The following RAB33B variants were observed in gnomAD, a reference collection of about 807,000 sequenced individuals.
RAB33B encodes the protein ras-related protein Rab-33B.
RAB33B carries 6 observed loss-of-function variants against 15.0 expected under a neutral mutation model. The ratio of observed to expected loss-of-function variants is 0.40; its 90% CI spans 0.22 to 0.79. The LOEUF is 0.79. Among genes scored for constraint, RAB33B ranks in the 30% least tolerant of loss-of-function variants. The pLI is 0.37. For synonymous variants in RAB33B, 117 were observed against 108.3 expected, an observed-to-expected ratio of 1.08 and a Z score of -0.50; for missense variants, 257 against 296.4, an observed-to-expected ratio of 0.87 and a Z score of 0.98.
chr4:139,443,904 A>T, the RAB33B span, among the ~76,000 whole-genome samples: 1 of 152,184 alleles, frequency 6.6e-6, no homozygotes, highest in African/African-American at 2.4e-5. Context: ...GCCAGGCAAG[A>T]TAACGTTGAT....
chr4:139,457,831 A>G (rs1336963663), intron 1 of RAB33B, among the ~76,000 whole-genome samples: 1 of 152,202 alleles, frequency 6.6e-6, no homozygotes, highest in East Asian at 1.9e-4. Flanking sequence ...AAATTCACCT[A>G]GGTTGTACTA....
chr4:139,463,106 C>T (rs1338936945), intron 1 of RAB33B, among the ~76,000 whole-genome samples: 1 of 152,188 alleles, frequency 6.6e-6, no homozygotes, highest in Non-Finnish European at 1.5e-5. Flanking sequence ...GTGGAGGTTG[C>T]AGTGAGCCAA....
intron 1 of RAB33B, among the ~76,000 whole-genome samples, chr4:139,456,326 A>G (rs1025601326): frequency 6.6e-6 from 1 of 152,096 alleles, no homozygotes; most frequent in African/African-American, 2.4e-5. Context: ...TCAAAAGTGG[A>G]GAGAATGAGG....
chr4:139,470,312 C>G (rs945522479), intron 1 of RAB33B, among the ~76,000 whole-genome samples: 1 of 152,174 alleles, frequency 6.6e-6, no homozygotes, highest in Non-Finnish European at 1.5e-5. Context: ...GACAGAGGAG[C>G]TTCCCACTTG....
intron 1 of RAB33B, among the ~76,000 whole-genome samples, chr4:139,466,649 G>T (rs1407483872): frequency 6.6e-6 from 1 of 151,622 alleles, no homozygotes; most frequent in Non-Finnish European, 1.5e-5. Context: ...CATGATCTCA[G>T]CTCACTGCAA....
At position 139,454,168 on chromosome 4, in the gene RAB33B, C is replaced by G; in HGVS notation, c.-28C>G. 6.3e-7 allele frequency: 1 copy of G among 1,590,792 alleles called. No homozygotes were observed. Among genetic ancestry groups the G allele is most frequent in the Non-Finnish European group, 8.6e-7 (1 of 1,167,510 alleles). On this transcript the variant is annotated 5_prime_UTR_variant, in exon 1 of 2. Coordinates refer to ENST00000305626, the MANE Select transcript of RAB33B (RefSeq NM_031296.3). ...TCAGCCTTTCTGTGTCTCCTTTCCTCCGCCTCAGTTTGGGGCGGGTCGGGG... is the reference window on the plus strand; with the variant it reads ...TCAGCCTTTCTGTGTCTCCTTTCCTGCGCCTCAGTTTGGGGCGGGTCGGGG...
At position 139,472,842 on chromosome 4, in the gene RAB33B, T is replaced by G. The variant is rs372938614; in HGVS notation, c.406T>G (p.Leu136Val). 4 of 1,614,170 alleles carry G rather than the reference T, an allele frequency of 2.5e-6. No homozygotes were observed. The highest frequency in any genetic ancestry group is 3.4e-6 in the Non-Finnish European group (4 of 1,180,020). ...PSWIEECKQH[L>V]LANDIPRILV... ...TTGGATAGAAGAATGCAAACAACAT[T>G]TGCTAGCCAATGATATACCACGGAT... Residue 136 changes from leucine to valine, a missense_variant, in exon 2 of 2, where the codon TTG becomes GTG. Physicochemically the swap from Leu to Val is conservative, Grantham distance 32. Transcript: ENST00000305626.
At chr4:139,447,405 C>T in the RAB33B span, among the ~76,000 whole-genome samples, 1 of 152,110 alleles carries the variant, frequency 6.6e-6, no homozygotes, top group Non-Finnish European at 1.5e-5. Flanking sequence ...TCATCATCAC[C>T]CTTAGAGAGT....
the RAB33B span, among the ~76,000 whole-genome samples, chr4:139,444,454 G>A: frequency 6.6e-6 from 1 of 152,120 alleles, no homozygotes; most frequent in African/African-American, 2.4e-5. Context: ...CAGTCCCCTT[G>A]AGGAAGGACC....
the RAB33B span, among the ~76,000 whole-genome samples, chr4:139,439,491 G>T: frequency 6.6e-6 from 1 of 152,170 alleles, no homozygotes; most frequent in African/African-American, 2.4e-5. Context: ...TGATTATAAT[G>T]TATCTCAGTA....
At chr4:139,439,266 C>T in the RAB33B span, among the ~76,000 whole-genome samples, 11 of 152,214 alleles carry the variant, frequency 7.2e-5, no homozygotes, top group Non-Finnish European at 1.5e-4. Flanking sequence ...TCCCAAAGTG[C>T]TGGGATTACA....
intron 1 of RAB33B, among the ~76,000 whole-genome samples, chr4:139,464,555 C>T (rs571598915): frequency 6.6e-6 from 1 of 152,232 alleles, no homozygotes; most frequent in South Asian, 2.1e-4. Flanking sequence ...AACCCCATGA[C>T]AGGCCCTGGT....
At chr4:139,441,221 A>T in the RAB33B span, among the ~76,000 whole-genome samples, 1 of 152,212 alleles carries the variant, frequency 6.6e-6, no homozygotes, top group East Asian at 1.9e-4. Context: ...AAACAACTAC[A>T]TGATCACTTT....
chr4:139,453,147 A>C (rs1204626283), upstream of RAB33B: 1 of 152,220 alleles, frequency 6.6e-6, no homozygotes, highest in Non-Finnish European at 1.5e-5. Flanking sequence ...GCACTAAGAC[A>C]TAACTAGGGC....
rs377532895 is a variant in RAB33B at position 139,454,215 on chromosome 4, C to T, written c.20C>T (p.Ser7Leu). ...GGGGGAATGGCTGAGGAGATGGAGT[C>T]GTCGCTCGAGGCAAGCTTTTCGTCC... MAEEME[S>L]SLEASFSSSG... Residue 7 changes from serine to leucine, a missense_variant, in exon 1 of 2, where the codon TCG becomes TTG. Transcript: ENST00000305626. The T allele has an allele frequency of 1.2e-6, 2 of 1,612,868 alleles. No individual in the cohort carries two copies. The highest frequency in any genetic ancestry group is 2.7e-5 in the African/African-American group (2 of 74,892).
At chr4:139,459,511 C>T (rs897962162) in intron 1 of RAB33B, among the ~76,000 whole-genome samples, 44 of 152,156 alleles carry the variant, frequency 2.9e-4, no homozygotes, top group Non-Finnish European at 2.9e-4. Flanking sequence ...CTTACCTGAA[C>T]CTTTAGATGA....
Position 139,475,793 on chromosome 4 carries a change from G to A in RAB33B, c.*2667G>A, listed in dbSNP as rs2111091322. Reference sequence around the variant, plus strand: ...AATGTAGTTCGCTATTAATAACAATGCATTATTGAAAGTATATTGCAAATA... The same window carrying A: ...AATGTAGTTCGCTATTAATAACAATACATTATTGAAAGTATATTGCAAATA... On this transcript the variant is annotated 3_prime_UTR_variant, in exon 2 of 2. Coordinates refer to ENST00000305626, the MANE Select transcript of RAB33B (RefSeq NM_031296.3). 1 of 152,212 alleles carries A rather than the reference G, an allele frequency of 6.6e-6. No homozygotes were observed. The highest frequency in any genetic ancestry group is 1.9e-4 in the East Asian group (1 of 5,194). 9.4% of individuals were successfully genotyped at this position (152,212 alleles called of 1,614,324 possible).
the RAB33B span, among the ~76,000 whole-genome samples, chr4:139,443,627 T>C: frequency 1.3e-5 from 2 of 152,292 alleles, no homozygotes; most frequent in African/African-American, 4.8e-5. Context: ...CAACAAAAGG[T>C]GCATGCACAG....
At chr4:139,442,791 A>G in the RAB33B span, among the ~76,000 whole-genome samples, 2 of 152,074 alleles carry the variant, frequency 1.3e-5, no homozygotes, top group African/African-American at 4.8e-5. Context: ...ATATATAAAT[A>G]TATATATCTA....
Sources: allele counts gnomAD v4.1 joint callset (sites outside exome capture counted in the v4.1 genomes callset), GRCh38; gene constraint gnomAD v4.1.1; transcripts MANE v1.5; gene names NCBI Gene and HGNC (gene_info 2026-07-23, HGNC 2026-07-21).